PCDH7: variants seen among roughly 807,000 people sequenced by gnomAD.
PCDH7 encodes protocadherin 7.
PCDH7 carries 17 observed loss-of-function variants against 58.9 expected under a neutral mutation model. The observed-to-expected ratio is 0.29, with a 90% CI of 0.20 to 0.43. PCDH7 has a LOEUF of 0.43. Ranked by LOEUF, PCDH7 falls within the 20% of genes least tolerant of loss-of-function variation. The probability of loss-of-function intolerance (pLI) is 1.00; values close to 1 mark genes in which losing one functional copy is unlikely to be tolerated. For missense variants in PCDH7, 1,274 were observed against 1,441.0 expected (o/e 0.88, Z 1.88); for synonymous variants, 664 against 616.4 (o/e 1.08, Z -1.14).
At chr4:31,006,263 A>G (rs2109144648) in intron 3 of PCDH7, among the ~76,000 whole-genome samples, 1 of 152,278 alleles carries the variant, frequency 6.6e-6, no homozygotes, top group Non-Finnish European at 1.5e-5. Flanking sequence ...ATTCAGATAT[A>G]TGTTTTCCAT....
At chr4:30,793,678 G>C (rs892262420) in intron 1 of PCDH7, among the ~76,000 whole-genome samples, 1 of 151,914 alleles carries the variant, frequency 6.6e-6, no homozygotes, top group Non-Finnish European at 1.5e-5. Flanking sequence ...TTTTTAAAAG[G>C]CATTTTGATG....
chr4:30,790,763 T>TA (rs1171615556), intron 1 of PCDH7, among the ~76,000 whole-genome samples: 4 of 151,614 alleles, frequency 2.6e-5, no homozygotes, highest in Non-Finnish European at 5.9e-5. Context: ...CTACAAAAAG[T>TA]AAAAAACAAA....
chr4:30,813,950 AT>A (rs1727335556), intron 1 of PCDH7, among the ~76,000 whole-genome samples: 1 of 152,084 alleles, frequency 6.6e-6, no homozygotes, highest in Non-Finnish European at 1.5e-5. Context: ...GGCTTACTTT[AT>A]TTTTTAAGGA....
chr4:31,142,771 G>A, exon 4 of PCDH7: 1 of 1,367,342 alleles, frequency 7.3e-7, no homozygotes, highest in South Asian at 1.1e-5. Context: ...CCAACCCTGA[G>A]GATATTCCCC....
chr4:30,997,989 A>G (rs1228818669), intron 3 of PCDH7, among the ~76,000 whole-genome samples: 23 of 152,152 alleles, frequency 1.5e-4, no homozygotes, highest in Admixed American at 1.5e-3. Flanking sequence ...TATAATGAGC[A>G]GTTCAATTGA....
At chr4:30,799,071 G>T (rs1180210984) in intron 1 of PCDH7, among the ~76,000 whole-genome samples, 1 of 152,082 alleles carries the variant, frequency 6.6e-6, no homozygotes, top group Non-Finnish European at 1.5e-5. Flanking sequence ...AAATTTTAAG[G>T]ATCATCAATA....
intron 3 of PCDH7, among the ~76,000 whole-genome samples, chr4:30,997,101 A>G (rs1751962687): frequency 6.6e-6 from 1 of 151,302 alleles, no homozygotes; most frequent in Non-Finnish European, 1.5e-5. Flanking sequence ...TTTGTTTTAC[A>G]TCAGTGTACT....
chr4:30,741,997 C>A (rs528171713), intron 1 of PCDH7, among the ~76,000 whole-genome samples: 5 of 152,234 alleles, frequency 3.3e-5, no homozygotes, highest in African/African-American at 9.6e-5. Flanking sequence ...ATCATTCTTG[C>A]AAGATGTTTC....
chr4:30,818,096 T>A (rs1727921301), intron 1 of PCDH7, among the ~76,000 whole-genome samples: 1 of 152,168 alleles, frequency 6.6e-6, no homozygotes, highest in African/African-American at 2.4e-5. Context: ...GAGCCATTTC[T>A]TCCAAATTTC....
chr4:31,110,807 C>T (rs1716194763), intron 3 of PCDH7, among the ~76,000 whole-genome samples: 1 of 151,404 alleles, frequency 6.6e-6, no homozygotes, highest in Admixed American at 6.6e-5. Flanking sequence ...CCCAGCTACT[C>T]GGGAGGCTGA....
intron 1 of PCDH7, among the ~76,000 whole-genome samples, chr4:30,793,546 AAAG>A (rs1724406241): frequency 1.3e-5 from 2 of 152,182 alleles, no homozygotes; most frequent in African/African-American, 2.4e-5. Flanking sequence ...AAAAAAAGAA[AAAG>A]AAAGAAAAAG....
intron 3 of PCDH7, among the ~76,000 whole-genome samples, chr4:31,083,429 C>A (rs113331928): frequency 1.3e-5 from 2 of 152,274 alleles, no homozygotes; most frequent in African/African-American, 4.8e-5. Flanking sequence ...TTAACATGCT[C>A]TTTCTGTCTT....
chr4:31,069,536 A>G (rs1434205986), intron 3 of PCDH7, among the ~76,000 whole-genome samples: 2 of 152,052 alleles, frequency 1.3e-5, no homozygotes, highest in African/African-American at 4.8e-5. Flanking sequence ...GAAAGTAAAA[A>G]TAATATTGCA....
intron 3 of PCDH7, among the ~76,000 whole-genome samples, chr4:31,063,685 A>C (rs983498506): frequency 4.6e-5 from 7 of 151,928 alleles, no homozygotes; most frequent in Admixed American, 4.6e-4. Flanking sequence ...CTTTATAATA[A>C]GGGAATGCAT....
intron 1 of PCDH7, among the ~76,000 whole-genome samples, chr4:30,910,655 ACAACAGATG>A (rs1741609998): frequency 6.6e-6 from 1 of 152,140 alleles, no homozygotes; most frequent in Non-Finnish European, 1.5e-5. Flanking sequence ...AAGTCAGGAA[ACAACAGATG>A]CTGGAGAGGA....
At chr4:30,910,930 T>C (rs892177944) in intron 1 of PCDH7, among the ~76,000 whole-genome samples, 3 of 152,048 alleles carry the variant, frequency 2.0e-5, no homozygotes, top group Non-Finnish European at 4.4e-5. Context: ...AATATTAGAC[T>C]GGATAAAGAA....
chr4:30,963,152 G>A lies in PCDH7; in HGVS notation c.*7+12937G>A, dbSNP rs149017934. On this transcript the variant is annotated intron_variant, in intron 3 of 3. Transcript: ENST00000509759. ...ACTGTAATCAGGAAGATGTGATAAG[G>A]GCTGACTCACAGATTCCTCTGGCTT... Among the ~76,000 whole-genome samples, 383 of 152,256 alleles carry A rather than the reference G, an allele frequency of 2.5e-3. 1 individual carries two copies. Among genetic ancestry groups the A allele is most frequent in the Admixed American group, 5.0e-3 (76 of 15,290 alleles).
At chr4:30,796,408 C>T (rs977256075) in intron 1 of PCDH7, among the ~76,000 whole-genome samples, 7 of 152,006 alleles carry the variant, frequency 4.6e-5, no homozygotes, top group African/African-American at 1.4e-4. Flanking sequence ...AATATTGTAT[C>T]GTGGAAATAG....
At chr4:31,048,195 C>T (rs976817780) in intron 3 of PCDH7, among the ~76,000 whole-genome samples, 3 of 151,758 alleles carry the variant, frequency 2.0e-5, no homozygotes, top group Non-Finnish European at 4.4e-5. Context: ...CTACTAAATG[C>T]TGTTAAATGA....
Sources: gnomAD v4.1 joint callset for allele counts (sites outside exome capture counted in the v4.1 genomes callset) on GRCh38, gnomAD v4.1.1 for gene constraint, MANE v1.5 for transcripts, NCBI Gene and HGNC (gene_info 2026-07-23, HGNC 2026-07-21) for gene names.